ANO2: variants seen among roughly 807,000 people sequenced by gnomAD.
The protein encoded by ANO2 is anoctamin 2, also known as anoctamin-2.
A neutral mutation model predicts 124.2 loss-of-function variants in ANO2; 101 were observed. That is an observed-to-expected ratio of 0.81 (90% CI 0.69 to 0.96). The LOEUF is 0.96. ANO2 is among the 40% of genes least tolerant of loss of function. The pLI is 0.00. For missense variants in ANO2, 1,293 were observed against 1,274.5 expected (o/e 1.01, Z -0.22); for synonymous variants, 486 against 482.5 (o/e 1.01, Z -0.09).
chr12:5,679,594 T>C (rs1948404504), intron 14 of ANO2, among the ~76,000 whole-genome samples: 1 of 152,098 alleles, frequency 6.6e-6, no homozygotes, highest in African/African-American at 2.4e-5. Context: ...TGAGATACCA[T>C]CACATGCCCG....
At chr12:5,795,969 T>C (rs1336966217) in intron 10 of ANO2, among the ~76,000 whole-genome samples, 2 of 152,108 alleles carry the variant, frequency 1.3e-5, no homozygotes, top group Admixed American at 1.3e-4. Flanking sequence ...CACTCTAGCT[T>C]AGGAGTCATT....
At chr12:5,833,754 A>G (rs2098496715) in intron 4 of ANO2, among the ~76,000 whole-genome samples, 1 of 98,234 alleles carries the variant, frequency 1.0e-5, no homozygotes, top group Non-Finnish European at 2.8e-5. Flanking sequence ...GTTATTTATG[A>G]GAATCTAATG....
chr12:5,574,469 G>A (rs1326758414), intron 23 of ANO2, among the ~76,000 whole-genome samples: 1 of 151,296 alleles, frequency 6.6e-6, no homozygotes, highest in Non-Finnish European at 1.5e-5. Context: ...ATCATATGTA[G>A]CATAAAATTA....
chr12:5,790,251 C>T lies in ANO2; in HGVS notation c.1055+9256G>A, dbSNP rs541603723. ...AGAGATGAGAGAAGAACTGAAACTC[C>T]TTGTGCCCACTCTTACCTGCCCAGC... On this transcript the variant is annotated intron_variant, in intron 10 of 24. Transcript: ENST00000682330. Among the ~76,000 whole-genome samples, 16 of 152,300 alleles carry T rather than the reference C, an allele frequency of 1.1e-4. No individual in the cohort carries two copies. In the East Asian group the frequency reaches 1.7e-3, roughly 17 times the overall value.
intron 1 of ANO2, among the ~76,000 whole-genome samples, chr12:5,923,094 G>GCA (rs34845978): frequency 0.41 from 10,949 of 26,758 alleles, 3,753 homozygotes; most frequent in East Asian, 0.6. Flanking sequence ...ACACACACAC[G>GCA]CACACACATA....
intron 19 of ANO2, among the ~76,000 whole-genome samples, chr12:5,601,660 T>TA (rs1175513851): frequency 6.6e-6 from 1 of 152,216 alleles, no homozygotes; most frequent in Non-Finnish European, 1.5e-5. Flanking sequence ...AAATCTTTAG[T>TA]AAAAAATTAG....
At chr12:5,820,632 A>G (rs1953764168) in intron 7 of ANO2, among the ~76,000 whole-genome samples, 4 of 152,246 alleles carry the variant, frequency 2.6e-5, no homozygotes, top group Admixed American at 2.6e-4. Flanking sequence ...CTAGAAAAAT[A>G]GTAAATCAGA....
chr12:5,897,703 T>C lies in ANO2; in HGVS notation c.534+23337A>G, dbSNP rs1032634484. ...ATGGGATATCAAAGTGGGGAAAAATTAATTTTGACTCACACCTCATGCCAC... is the reference window on the plus strand; with the variant it reads ...ATGGGATATCAAAGTGGGGAAAAATCAATTTTGACTCACACCTCATGCCAC... On this transcript the variant is annotated intron_variant, in intron 3 of 24. Transcript: ENST00000682330. Among the ~76,000 whole-genome samples, 24 of 150,592 alleles carry C rather than the reference T, an allele frequency of 1.6e-4. 1 individual carries two copies. In the East Asian group the frequency reaches 4.7e-3, roughly 29 times the overall value.
At chr12:5,877,666 A>T (rs1393403557) in intron 3 of ANO2, among the ~76,000 whole-genome samples, 1 of 152,234 alleles carries the variant, frequency 6.6e-6, no homozygotes, top group Non-Finnish European at 1.5e-5. Flanking sequence ...TGTTTAAAGC[A>T]GTGGTCCCCA....
upstream of ANO2, chr12:5,945,284 C>A (rs1943059617): frequency 8.1e-7 from 1 of 1,238,066 alleles, no homozygotes; most frequent in African/African-American, 1.6e-5. Context: ...CGCCGCGGGG[C>A]TAATTCCATC....
At chr12:5,670,685 C>CCA (rs1947953947) in intron 14 of ANO2, among the ~76,000 whole-genome samples, 1 of 151,956 alleles carries the variant, frequency 6.6e-6, no homozygotes, top group African/African-American at 2.4e-5. Flanking sequence ...GAGGCTTGTA[C>CCA]CACCATTCCT....
At chr12:5,576,170 CT>C (rs1326310106) in intron 22 of ANO2, among the ~76,000 whole-genome samples, 155 bp from the exon 23 acceptor site, 11 of 152,196 alleles carry the variant, frequency 7.2e-5, no homozygotes, top group Non-Finnish European at 1.5e-5. Flanking sequence ...AGTCACATGC[CT>C]TTTCCATCTT....
At chr12:5,718,026 C>T (rs373811569) in intron 14 of ANO2, among the ~76,000 whole-genome samples, 26 of 152,210 alleles carry the variant, frequency 1.7e-4, no homozygotes, top group South Asian at 4.2e-4. Flanking sequence ...CATGGAAGTC[C>T]GGGATGGGGG....
intron 14 of ANO2, among the ~76,000 whole-genome samples, chr12:5,723,626 G>T (rs1365738687): frequency 6.6e-6 from 1 of 150,490 alleles, no homozygotes; most frequent in Admixed American, 6.6e-5. Flanking sequence ...GCGGGTGGGG[G>T]GCGGGGGCGC....
chr12:5,856,149 C>T (rs1955089739), intron 3 of ANO2: 1 of 152,210 alleles, frequency 6.6e-6, no homozygotes, highest in Non-Finnish European at 1.5e-5. Flanking sequence ...CCTGCAAGCC[C>T]AGCTCTCCAT....
Position 5,801,630 on chromosome 12 carries a change from C to T in ANO2, c.991-2059G>A, listed in dbSNP as rs1953040790. On this transcript the variant is annotated intron_variant, in intron 9 of 24. Coordinates refer to ENST00000682330, the MANE Select transcript of ANO2 (RefSeq NM_001364791.2). Reference sequence around the variant, plus strand: ...TAGACTTTTATTGTCACAATGTCTTCCAGCAACTGCAAAACAGGAGCAGAA... The same window carrying T: ...TAGACTTTTATTGTCACAATGTCTTTCAGCAACTGCAAAACAGGAGCAGAA... Among the ~76,000 whole-genome samples the T allele has an allele frequency of 2.0e-5, 3 of 152,210 alleles. No homozygotes were observed. The South Asian group carries it at 6.2e-4, about 32-fold the overall frequency.
chr12:5,830,601 G>A, intron 5 of ANO2, 112 bp from the exon 6 acceptor site: 1 of 848,220 alleles, frequency 1.2e-6, no homozygotes, highest in Non-Finnish European at 1.9e-6. Flanking sequence ...CAAGACTTAT[G>A]AGGTGCACAC....
chr12:5,650,357 G>A (rs1946859289), intron 14 of ANO2, among the ~76,000 whole-genome samples: 1 of 152,200 alleles, frequency 6.6e-6, no homozygotes, highest in Non-Finnish European at 1.5e-5. Flanking sequence ...TGCTCATTTT[G>A]ATATAACATT....
intron 20 of ANO2, among the ~76,000 whole-genome samples, chr12:5,579,316 T>C (rs1198969654): frequency 6.6e-6 from 1 of 152,138 alleles, no homozygotes; most frequent in African/African-American, 2.4e-5. Context: ...AATGTACTAG[T>C]GATAGAGAAG....
Sources: gnomAD v4.1 joint callset for allele counts (sites outside exome capture counted in the v4.1 genomes callset) on GRCh38, gnomAD v4.1.1 for gene constraint, MANE v1.5 for transcripts, NCBI Gene and HGNC (gene_info 2026-07-23, HGNC 2026-07-21) for gene names.